The following FANCC variants were observed in gnomAD, a reference collection of about 807,000 sequenced individuals.
The protein encoded by FANCC is FA complementation group C, also known as Fanconi anemia group C protein.
In FANCC, 55 loss-of-function variants were observed where a neutral mutation model predicts 71.3. That is an observed-to-expected ratio of 0.77 (90% CI 0.62 to 0.97). The LOEUF (loss-of-function observed/expected upper bound fraction) is 0.97. FANCC is among the 50% of genes least tolerant of loss of function. FANCC has a pLI of 0.00. For missense variants in FANCC, 678 were observed against 670.9 expected, an observed-to-expected ratio of 1.01 and a Z score of -0.12; for synonymous variants, 275 against 244.9, an observed-to-expected ratio of 1.12 and a Z score of -1.15.
At chr9:95,288,834 C>T (rs961706543) in intron 1 of FANCC, among the ~76,000 whole-genome samples, 27 of 151,654 alleles carry the variant, frequency 1.8e-4, no homozygotes, top group Admixed American at 1.6e-3. Flanking sequence ...GTAGTGCAAG[C>T]GTGTAACCCT....
chr9:95,240,533 A>C, intron 4 of FANCC, 116 bp downstream of exon 4: 1 of 710,166 alleles, frequency 1.4e-6, no homozygotes, highest in South Asian at 1.6e-5. Flanking sequence ...TATGTTTGAA[A>C]AAGTTTCTAA....
intron 4 of FANCC, among the ~76,000 whole-genome samples, chr9:95,200,813 C>A (rs1479150383): frequency 6.6e-6 from 1 of 152,188 alleles, no homozygotes; most frequent in East Asian, 1.9e-4. Context: ...ATATAAATAA[C>A]AGACCATGTT....
At chr9:95,273,890 T>C (rs1177014337) in intron 1 of FANCC, among the ~76,000 whole-genome samples, 1 of 152,166 alleles carries the variant, frequency 6.6e-6, no homozygotes, top group Admixed American at 6.5e-5. Flanking sequence ...GAGGAAATGA[T>C]TGGCATATGC....
At chr9:95,233,326 A>T (rs1830123423) in intron 4 of FANCC, among the ~76,000 whole-genome samples, 1 of 152,178 alleles carries the variant, frequency 6.6e-6, no homozygotes, top group Non-Finnish European at 1.5e-5. Context: ...GGAGCTGTGG[A>T]AGAGGAATCG....
chr9:95,250,498 C>T (rs1246661440), intron 1 of FANCC, among the ~76,000 whole-genome samples: 1 of 152,152 alleles, frequency 6.6e-6, no homozygotes, highest in Non-Finnish European at 1.5e-5. Flanking sequence ...AAAAAATGTG[C>T]AGTCTTCATG....
intron 1 of FANCC, chr9:95,293,637 G>A (rs555945153): frequency 2.4e-5 from 38 of 1,614,152 alleles, no homozygotes; most frequent in Middle Eastern, 3.3e-4. Flanking sequence ...GTGGGCCACC[G>A]CTGATTCCTC....
chr9:95,227,280 G>A (rs1257405840), intron 4 of FANCC, among the ~76,000 whole-genome samples: 2 of 152,138 alleles, frequency 1.3e-5, no homozygotes, highest in Non-Finnish European at 2.9e-5. Flanking sequence ...GATGCGTCCT[G>A]GCCTACTGCT....
intron 4 of FANCC, among the ~76,000 whole-genome samples, chr9:95,206,971 T>C (rs1388825647): frequency 2.0e-5 from 3 of 152,062 alleles, no homozygotes; most frequent in Non-Finnish European, 4.4e-5. Flanking sequence ...AGAGGTGAAC[T>C]AATGAATGGG....
chr9:95,183,819 C>T (rs1373118237), intron 4 of FANCC, among the ~76,000 whole-genome samples: 1 of 152,186 alleles, frequency 6.6e-6, no homozygotes, highest in African/African-American at 2.4e-5. Flanking sequence ...AATTCAACCT[C>T]AGCTGTATTT....
intron 10 of FANCC, among the ~76,000 whole-genome samples, chr9:95,120,709 T>C (rs2072807320): frequency 6.6e-6 from 1 of 152,234 alleles, no homozygotes; most frequent in South Asian, 2.1e-4. Context: ...ATTACAGGCA[T>C]GAGCCGCCGT....
chr9:95,287,454 T>C (rs1833757518), intron 1 of FANCC, among the ~76,000 whole-genome samples: 1 of 152,220 alleles, frequency 6.6e-6, no homozygotes, highest in Non-Finnish European at 1.5e-5. Context: ...AGCAGTCTCC[T>C]TCTAAGATCC....
At chr9:95,114,931 A>C (rs1246369187) in intron 11 of FANCC, among the ~76,000 whole-genome samples, 1 of 152,148 alleles carries the variant, frequency 6.6e-6, no homozygotes, top group Admixed American at 6.5e-5. Context: ...CAAAGAATCT[A>C]ATCTTTTAAT....
intron 6 of FANCC, among the ~76,000 whole-genome samples, chr9:95,153,902 T>C (rs1367194120): frequency 1.3e-5 from 2 of 152,184 alleles, no homozygotes; most frequent in Admixed American, 1.3e-4. Context: ...ATTAATTCTT[T>C]AGTACTTCAA....
intron 3 of FANCC, among the ~76,000 whole-genome samples, 168 bp downstream of exon 3, chr9:95,247,264 C>A (rs1831044713): frequency 6.7e-6 from 1 of 149,926 alleles, no homozygotes; most frequent in South Asian, 2.1e-4. Flanking sequence ...CACACACATA[C>A]ATGGACAACA....
At chr9:95,176,421 T>C (rs747687923) in intron 4 of FANCC, among the ~76,000 whole-genome samples, 8 of 152,332 alleles carry the variant, frequency 5.3e-5, no homozygotes, top group Middle Eastern at 3.4e-3. Context: ...TACAAGCCTG[T>C]TTGCGACCCT....
chr9:95,258,481 A>C (rs987485933), intron 1 of FANCC, among the ~76,000 whole-genome samples: 3 of 152,238 alleles, frequency 2.0e-5, no homozygotes, highest in African/African-American at 7.2e-5. Context: ...CTTCGATAAA[A>C]TGCAACATCC....
intron 1 of FANCC, among the ~76,000 whole-genome samples, chr9:95,305,597 C>A (rs941688951): frequency 2.0e-5 from 3 of 152,144 alleles, no homozygotes; most frequent in African/African-American, 7.2e-5. Context: ...AACAATGCAA[C>A]TGAGTTCCAT....
At chr9:95,118,567 A>C (rs762089578) in intron 10 of FANCC, among the ~76,000 whole-genome samples, 1 of 152,228 alleles carries the variant, frequency 6.6e-6, no homozygotes, top group African/African-American at 2.4e-5. Context: ...AATTCTTAAC[A>C]ATCATTCCCT....
intron 1 of FANCC, among the ~76,000 whole-genome samples, chr9:95,300,991 G>C (rs1834690055): frequency 6.6e-6 from 1 of 152,136 alleles, no homozygotes; most frequent in African/African-American, 2.4e-5. Context: ...CAGCATGAGA[G>C]TGGGCTCTTT....
Sources: allele counts gnomAD v4.1 joint callset (sites outside exome capture counted in the v4.1 genomes callset), GRCh38; gene constraint gnomAD v4.1.1; transcripts MANE v1.5; gene names NCBI Gene and HGNC (gene_info 2026-07-23, HGNC 2026-07-21).